SUPT3H: variants seen among roughly 807,000 people sequenced by gnomAD.
SUPT3H encodes the protein SPT3 homolog, SAGA and STAGA complex component.
A neutral mutation model predicts 44.3 loss-of-function variants in SUPT3H; 44 were observed. The observed-to-expected ratio is 0.99, with a 90% confidence interval of 0.78 to 1.28. The LOEUF is 1.28. Among genes scored for constraint, SUPT3H ranks in the 50% most tolerant of loss-of-function variants. The probability of loss-of-function intolerance (pLI) is 0.00; values close to 1 mark genes in which losing one functional copy is unlikely to be tolerated. For missense variants in SUPT3H, 380 were observed against 387.1 expected (o/e 0.98, Z 0.15); for synonymous variants, 124 against 125.6 (o/e 0.99, Z 0.09).
At chr6:45,169,605 T>A (rs1446406506) in intron 2 of SUPT3H, among the ~76,000 whole-genome samples, 1 of 152,202 alleles carries the variant, frequency 6.6e-6, no homozygotes, top group Non-Finnish European at 1.5e-5. Context: ...ATATCAGAGT[T>A]TAGAGTCTTT....
intron 11 of SUPT3H, among the ~76,000 whole-genome samples, chr6:44,813,372 G>C (rs547348613): frequency 8.6e-5 from 13 of 152,006 alleles, no homozygotes; most frequent in Non-Finnish European, 1.6e-4. Context: ...TTTTTGTAGC[G>C]ATGGGGTCTT....
chr6:45,281,279 G>A (rs538057866), intron 2 of SUPT3H, among the ~76,000 whole-genome samples: 45 of 152,336 alleles, frequency 3.0e-4, no homozygotes, highest in African/African-American at 4.1e-4. Context: ...AGCATAAATC[G>A]AAGTAGGGCA....
At chr6:45,002,855 T>C (rs533147887) in intron 6 of SUPT3H, among the ~76,000 whole-genome samples, 1 of 107,184 alleles carries the variant, frequency 9.3e-6, no homozygotes, top group East Asian at 2.8e-4. Flanking sequence ...GCATAGAAAC[T>C]ATAAAAAAGT....
chr6:45,225,222 T>C (rs1264252470), intron 2 of SUPT3H, among the ~76,000 whole-genome samples: 1 of 146,482 alleles, frequency 6.8e-6, no homozygotes, highest in Non-Finnish European at 1.5e-5. Flanking sequence ...GAGGTTGCAA[T>C]GAGCCAAGAT....
chr6:44,896,687 T>C (rs1297143833), intron 10 of SUPT3H, among the ~76,000 whole-genome samples: 3 of 152,194 alleles, frequency 2.0e-5, no homozygotes, highest in African/African-American at 7.2e-5. Flanking sequence ...CTATTTTGCT[T>C]TCCTGTAAGT....
At chr6:45,138,580 TAA>T (rs993063310) in intron 2 of SUPT3H, among the ~76,000 whole-genome samples, 7 of 152,048 alleles carry the variant, frequency 4.6e-5, no homozygotes, top group African/African-American at 1.7e-4. Context: ...TTATGCAATA[TAA>T]AAGAGGCCAG....
chr6:45,212,926 G>A (rs1764373501), intron 2 of SUPT3H, among the ~76,000 whole-genome samples: 1 of 152,112 alleles, frequency 6.6e-6, no homozygotes, highest in African/African-American at 2.4e-5. Context: ...GGTAAGGCAA[G>A]TTTATTTTCC....
intron 3 of SUPT3H, among the ~76,000 whole-genome samples, chr6:45,079,093 T>C (rs562228366): frequency 1.3e-5 from 2 of 152,132 alleles, no homozygotes; most frequent in Non-Finnish European, 2.9e-5. Context: ...GGTGGATCAC[T>C]AGGTAAGGAG....
intron 2 of SUPT3H, among the ~76,000 whole-genome samples, chr6:45,140,049 A>G (rs1263469998): frequency 6.6e-6 from 1 of 152,122 alleles, no homozygotes; most frequent in African/African-American, 2.4e-5. Flanking sequence ...GAACAAGACC[A>G]GCCTCCGGAA....
chr6:45,268,252 T>A (rs1775567716), intron 2 of SUPT3H, among the ~76,000 whole-genome samples: 1 of 152,116 alleles, frequency 6.6e-6, no homozygotes, highest in African/African-American at 2.4e-5. Flanking sequence ...ATTCACACTT[T>A]TAGAAATTAA....
rs550914844 is a variant in SUPT3H at position 45,163,225 on chromosome 6, T to C, written c.102-57219A>G. 2.6e-5 allele frequency among the ~76,000 whole-genome samples: 4 copies of C among 152,310 alleles called. No homozygotes were observed. In the South Asian group the frequency reaches 8.3e-4, roughly 32 times the overall value. On this transcript the variant is annotated intron_variant, in intron 2 of 10. Transcript: ENST00000371459. ...CATTACTAATGACTCAAAGTAATAATGTCATGAAAGACAAAGCTCAAGTTG... is the reference window on the plus strand; with the variant it reads ...CATTACTAATGACTCAAAGTAATAACGTCATGAAAGACAAAGCTCAAGTTG...
chr6:45,372,050 C>A, intron 1 of SUPT3H: 1 of 965,766 alleles, frequency 1.0e-6, no homozygotes, highest in Non-Finnish European at 1.2e-6. Context: ...CATAACTAAC[C>A]CAAAAGGCCT....
chr6:45,232,316 A>T (rs191685413), intron 2 of SUPT3H, among the ~76,000 whole-genome samples: 1 of 152,326 alleles, frequency 6.6e-6, no homozygotes, highest in East Asian at 1.9e-4. Flanking sequence ...CTCCAGCTGT[A>T]AATGGCTTCA....
intron 2 of SUPT3H, among the ~76,000 whole-genome samples, chr6:45,318,037 C>A (rs755387748): frequency 4.6e-5 from 7 of 152,038 alleles, no homozygotes; most frequent in Non-Finnish European, 7.4e-5. Flanking sequence ...GAGAGCCTCA[C>A]CCTCAGGAAT....
At chr6:45,056,157 C>A (rs1013828670) in intron 3 of SUPT3H, among the ~76,000 whole-genome samples, 11 of 151,940 alleles carry the variant, frequency 7.2e-5, no homozygotes, top group Non-Finnish European at 2.9e-5. Flanking sequence ...TCTAGAATGG[C>A]CATAATCAAA....
rs534493200 is a variant in SUPT3H at position 45,106,465 on chromosome 6, T to C, written c.102-459A>G. On this transcript the variant is annotated intron_variant, in intron 2 of 10. Coordinates refer to ENST00000371459, the MANE Select transcript of SUPT3H (RefSeq NM_003599.4). ...ACAAAAGAAAATAAAAGAAAGTCTT[T>C]CCCACACAAGTTGCAACTTCAAAAG... Among the ~76,000 whole-genome samples, 3 of 152,230 alleles carry C rather than the reference T, an allele frequency of 2.0e-5. No individual in the cohort carries two copies. In the East Asian group the frequency reaches 5.8e-4, roughly 29 times the overall value.
At chr6:44,868,094 T>G (rs1461679644) in intron 10 of SUPT3H, among the ~76,000 whole-genome samples, 6 of 152,196 alleles carry the variant, frequency 3.9e-5, no homozygotes, top group Non-Finnish European at 7.3e-5. Context: ...CAAGTTCTTT[T>G]CCCGTTAAAG....
chr6:45,236,216 G>C (rs1411763211), intron 2 of SUPT3H, among the ~76,000 whole-genome samples: 1 of 152,068 alleles, frequency 6.6e-6, no homozygotes, highest in Non-Finnish European at 1.5e-5. Context: ...GGGTCTCCAC[G>C]ACTGAGCTGG....
rs528674546 is a variant in SUPT3H, at chr6:45,225,328, C to G, written c.102-119322G>C. ...AAAATATACAATCTATACTGTCAGA[C>G]AGGATTTTTATGTTCTTCACTAACA... On this transcript the variant is annotated intron_variant, in intron 2 of 10. Coordinates refer to ENST00000371459, the MANE Select transcript of SUPT3H (RefSeq NM_003599.4). Among the ~76,000 whole-genome samples the G allele has an allele frequency of 4.7e-5, 7 of 150,302 alleles. No homozygotes were observed. The East Asian group carries it at 1.4e-3, about 29-fold the overall frequency.
Sources: gnomAD v4.1 joint callset for allele counts (sites outside exome capture counted in the v4.1 genomes callset) on GRCh38, gnomAD v4.1.1 for gene constraint, MANE v1.5 for transcripts, NCBI Gene and HGNC (gene_info 2026-07-23, HGNC 2026-07-21) for gene names.